Variants in MGST2 observed in about 807,000 individuals in gnomAD.
The protein encoded by MGST2 is glutathione peroxidase MGST2.
A neutral mutation model predicts 16.6 loss-of-function variants in MGST2; 9 were observed. The observed-to-expected ratio is 0.54, with a 90% CI of 0.33 to 0.95. The LOEUF is 0.95. MGST2 is among the 40% of genes least tolerant of loss of function. The probability of loss-of-function intolerance (pLI) is 0.03; values close to 1 mark genes in which losing one functional copy is unlikely to be tolerated. For missense variants in MGST2, 159 were observed against 175.1 expected (o/e 0.91, Z 0.52); for synonymous variants, 79 against 68.0 (o/e 1.16, Z -0.79).
chr4:139,704,694 G>A (rs1727449997), downstream of MGST2, among the ~76,000 whole-genome samples: 1 of 152,106 alleles, frequency 6.6e-6, no homozygotes, highest in Non-Finnish European at 1.5e-5. Context: ...AAGCCGAGGC[G>A]GGCAGATCAC....
At chr4:139,684,673 TA>T (rs1731454730) in intron 2 of MGST2, among the ~76,000 whole-genome samples, 2 of 152,168 alleles carry the variant, frequency 1.3e-5, no homozygotes, top group Non-Finnish European at 1.5e-5. Context: ...GAAAACTCTT[TA>T]AACCTCCTTC....
At chr4:139,734,764 C>G (rs941588796) in intron 5 of MGST2, among the ~76,000 whole-genome samples, 1 of 152,246 alleles carries the variant, frequency 6.6e-6, no homozygotes, top group African/African-American at 2.4e-5. Flanking sequence ...GAAGTGTTTT[C>G]AAGAACATGC....
At chr4:139,670,451 A>G (rs1730622495) in intron 1 of MGST2, among the ~76,000 whole-genome samples, 1 of 152,218 alleles carries the variant, frequency 6.6e-6, no homozygotes, top group Admixed American at 6.5e-5. Context: ...GCAAAGACAT[A>G]AATCAATACA....
chr4:139,747,866 C>G, the MGST2 span, among the ~76,000 whole-genome samples: 15 of 151,768 alleles, frequency 9.9e-5, no homozygotes, highest in South Asian at 1.3e-3. Context: ...CAAGCCTGAT[C>G]GATACAGTGA....
rs1245926649 is a variant in MGST2, at chr4:139,735,873, G to A, written c.*49-4339G>A. Among the ~76,000 whole-genome samples the A allele has an allele frequency of 2.0e-5, 3 of 151,890 alleles. No homozygotes were observed. Among genetic ancestry groups the A allele is most frequent in the Non-Finnish European group, 2.9e-5 (2 of 67,942 alleles). ...GGGCAGGGGCGGTGCGGCGGCGCTC[G>A]GGAGACCCGCGAGGGGCCCTGGAGG... On this transcript the variant is annotated intron_variant, in intron 5 of 5. Coordinates refer to the MGST2 transcript ENST00000616265. This position sits in a 1 kb window ranked among gnomAD's most constrained non-coding sequence, Gnocchi z 5.8.
intron 5 of MGST2, among the ~76,000 whole-genome samples, chr4:139,716,301 G>C (rs1727955809): frequency 6.6e-6 from 1 of 152,154 alleles, no homozygotes; most frequent in Non-Finnish European, 1.5e-5. Context: ...TGGTAGGAGT[G>C]GGGTGGTGGA....
At chr4:139,708,016 C>A (rs1290845870), downstream of MGST2, among the ~76,000 whole-genome samples, 1 of 151,960 alleles carries the variant, frequency 6.6e-6, no homozygotes, top group South Asian at 2.1e-4. Context: ...TGCCTGTTCA[C>A]TCTGATGGTA....
chr4:139,749,994 GA>G, the MGST2 span, among the ~76,000 whole-genome samples: 23 of 151,502 alleles, frequency 1.5e-4, no homozygotes, highest in Non-Finnish European at 2.1e-4. Flanking sequence ...AATATGGATG[GA>G]TTATTCATGT....
intron 5 of MGST2, among the ~76,000 whole-genome samples, chr4:139,739,638 A>C (rs972327578): frequency 6.6e-6 from 1 of 150,554 alleles, no homozygotes; most frequent in Non-Finnish European, 1.5e-5. Context: ...CATAGGAAAA[A>C]GCTTACCATA....
downstream of MGST2, among the ~76,000 whole-genome samples, chr4:139,708,083 G>A (rs1055649872): frequency 3.3e-5 from 5 of 152,154 alleles, no homozygotes; most frequent in Non-Finnish European, 7.3e-5. Context: ...TGTCCATTTT[G>A]TCTTTTGTTG....
At chr4:139,732,406 T>A (rs958913749) in intron 5 of MGST2, among the ~76,000 whole-genome samples, 6 of 152,206 alleles carry the variant, frequency 3.9e-5, no homozygotes, top group Non-Finnish European at 8.8e-5. Context: ...GTTGCTCTTC[T>A]TCCCTCCAAA....
intron 2 of MGST2, among the ~76,000 whole-genome samples, chr4:139,684,331 G>C (rs371685300): frequency 6.6e-6 from 1 of 152,154 alleles, no homozygotes; most frequent in African/African-American, 2.4e-5. Flanking sequence ...CCTACAACAC[G>C]TGGGAATTCA....
intron 5 of MGST2, among the ~76,000 whole-genome samples, chr4:139,714,760 GA>G (rs1365652936): frequency 1.3e-5 from 2 of 151,318 alleles, no homozygotes; most frequent in East Asian, 3.9e-4. Context: ...CGGGGAAGGT[GA>G]AATGATCAGG....
intron 1 of MGST2, among the ~76,000 whole-genome samples, chr4:139,666,461 GC>G (rs923947461): frequency 6.6e-6 from 1 of 152,172 alleles, no homozygotes; most frequent in Non-Finnish European, 1.5e-5. Context: ...AAGGAAACGT[GC>G]CTGCTTCTAA....
At chr4:139,695,066 G>T (rs1726837546) in intron 2 of MGST2, 131 bp from the exon 3 acceptor site, 1 of 670,862 alleles carries the variant, frequency 1.5e-6, no homozygotes, top group African/African-American at 1.8e-5. Flanking sequence ...AAATGTAAAG[G>T]TCATTTAAAC....
intron 4 of MGST2, 150 bp downstream of exon 4, chr4:139,703,686 T>C (rs1023444226): frequency 7.5e-6 from 6 of 801,468 alleles, no homozygotes; most frequent in Non-Finnish European, 1.3e-5. Flanking sequence ...TGCCAGTTCA[T>C]ACACAATTAG....
At chr4:139,675,321 T>G (rs776535393) in intron 1 of MGST2, among the ~76,000 whole-genome samples, 1 of 152,096 alleles carries the variant, frequency 6.6e-6, no homozygotes, top group African/African-American at 2.4e-5. Flanking sequence ...AAGTTTATTA[T>G]GGGGTGAAAA....
Position 139,720,313 on chromosome 4 carries a change from C to T in MGST2, c.*48+16117C>T, listed in dbSNP as rs369846668. On this transcript the variant is annotated intron_variant, in intron 5 of 5. Transcript: ENST00000616265. ...CTTGGCTTCTTACGGCTGCTATATC[C>T]TGGGGAGAACCTGCAGTGAAAAAGA... 5.2e-6 allele frequency: 8 copies of T among 1,531,886 alleles called. No homozygotes were observed. The African/African-American group carries it at 8.3e-5, about 16-fold the overall frequency. The allele number at this position is 1,531,886 out of a possible 1,614,324, so 94.9% of individuals were successfully genotyped here.
chr4:139,736,383 A>G (rs1377666498), intron 5 of MGST2, among the ~76,000 whole-genome samples: 1 of 152,222 alleles, frequency 6.6e-6, no homozygotes, highest in Non-Finnish European at 1.5e-5. Flanking sequence ...CAGCAGTTTT[A>G]TGTTATTGAG....
Sources: gnomAD v4.1 joint callset for allele counts (sites outside exome capture counted in the v4.1 genomes callset) on GRCh38, gnomAD v4.1.1 for gene constraint, Gnocchi (gnomAD v3.1) non-coding constraint, MANE v1.5 for transcripts, NCBI Gene and HGNC (gene_info 2026-07-23, HGNC 2026-07-21) for gene names.